TGM5: variants seen among roughly 807,000 people sequenced by gnomAD.
The protein encoded by TGM5 is transglutaminase 5.
In TGM5, 69 loss-of-function variants were observed where a neutral mutation model predicts 77.2. The observed-to-expected ratio is 0.89, with a 90% CI of 0.74 to 1.09. The LOEUF (loss-of-function observed/expected upper bound fraction) is 1.09. Among genes scored for constraint, TGM5 ranks in the 50% least tolerant of loss-of-function variants. TGM5 has a pLI of 0.00. For missense variants in TGM5, 842 were observed against 896.5 expected (o/e 0.94, Z 0.78); for synonymous variants, 346 against 351.8 (o/e 0.98, Z 0.18).
chr15:43,235,915 C>G, intron 9 of TGM5, 78 bp from the exon 10 acceptor site: 1 of 1,587,110 alleles, frequency 6.3e-7, no homozygotes, highest in South Asian at 1.1e-5. Flanking sequence ...CATCCCCCAC[C>G]CAATATCTCC....
Position 43,252,802 on chromosome 15 carries a change from C to G in TGM5, c.819G>C (p.Val273=), listed in dbSNP as rs1352827933. ...KQWNATGCQP[V]RYGQCWVFAA... ...CAAAGACCCAGCATTGCCCGTAGCG[C>G]ACGGGCTGGCAGCCTGTGGCGTTCC... Residue 273 remains valine, a synonymous_variant, in exon 6 of 13, where the codon GTG becomes GTC. Coordinates refer to ENST00000220420, the MANE Select transcript of TGM5 (RefSeq NM_201631.4). The G allele has an allele frequency of 5.6e-5, 90 of 1,614,080 alleles. No individual in the cohort carries two copies. The highest frequency in any genetic ancestry group is 7.4e-5 in the Non-Finnish European group (87 of 1,180,028).
rs1195384803 is a variant in TGM5, at chr15:43,260,484, C to T, written c.106G>A (p.Gly36Ser). ...ITVDHLLVRR[G>S]QAFNLTLYFR... ...TACAGGGTGAGGTTGAAGGCCTGGC[C>T]CCGGCGAACAAGCAGGTGGTCCACA... is the stretch of plus-strand genomic sequence containing the variant. Residue 36 changes from glycine (G) to serine (S), a missense_variant, in exon 2 of 13, where the codon GGC becomes AGC. By Grantham distance (56) the Gly-to-Ser change is moderately conservative. Around this residue, in one of 2 missense-constraint regions of TGM5, gnomAD observed 815 missense variants for 844.6 expected, o/e 0.96. Coordinates refer to ENST00000220420, the MANE Select transcript of TGM5 (RefSeq NM_201631.4). 1.2e-6 allele frequency: 2 copies of T among 1,614,124 alleles called. No individual in the cohort carries two copies. The highest frequency in any genetic ancestry group is 2.2e-5 in the South Asian group (2 of 91,080).
At chr15:43,265,156 C>G (rs1044808563) in intron 1 of TGM5, among the ~76,000 whole-genome samples, 1 of 152,164 alleles carries the variant, frequency 6.6e-6, no homozygotes, top group Non-Finnish European at 1.5e-5. Context: ...GTCATGTCAT[C>G]CACACTTGGA....
rs3784268 is a variant in TGM5, at chr15:43,239,430, T to C, written c.1002-164A>G. The C allele has an allele frequency of 0.11, 79,565 of 716,510 alleles. 5,080 individuals are homozygous for C. Among genetic ancestry groups the C allele is most frequent in the East Asian group, 0.21 (7,803 of 37,042 alleles). 44.4% of individuals were successfully genotyped at this position (716,510 alleles called of 1,614,324 possible). The stretch of plus-strand genomic sequence containing the variant: ...GGCACGATGGCTCATGCCAGTAATC[T>C]TAGTACTTTGGGAGTCTGAGGTGAG... On this transcript the variant is annotated intron_variant, in intron 7 of 12. Transcript: ENST00000220420.
chr15:43,239,571 T>C (rs2042618998), intron 7 of TGM5: 2 of 414,982 alleles, frequency 4.8e-6, no homozygotes, highest in East Asian at 5.3e-5. Context: ...TCCCACCTAC[T>C]TGGGAGGCTG....
At position 43,233,685 on chromosome 15, in the gene TGM5, A is replaced by G; in HGVS notation, c.1878T>C (p.Val626=). Reference sequence around the variant, plus strand: ...GCTGGTTCACAACGGCTGCTCCTAGAACCTAAACAGACCAGGAGGGGAAGG... The same window carrying G: ...GCTGGTTCACAACGGCTGCTCCTAGGACCTAAACAGACCAGGAGGGGAAGG... ...TLSYPSITIN[V]LGAAVVNQPL... is the part of the protein sequence containing the mutation. Residue 626 remains valine (V), a splice_region_variant and synonymous_variant, in exon 12 of 13, where the codon GTT becomes GTC. Transcript: ENST00000220420. 1 of 1,614,128 alleles carries G rather than the reference A, an allele frequency of 6.2e-7. No homozygotes were observed. Among genetic ancestry groups the G allele is most frequent in the Non-Finnish European group, 8.5e-7 (1 of 1,180,010 alleles).
Position 43,260,184 on chromosome 15 carries a change from C to T in TGM5, c.304G>A (p.Val102Met). ...GCCGTGGGAGGAGCGCACAAGCTCA[C>T]CTCTGTGGAGGTGGCCCCATTGGTC... is the stretch of plus-strand genomic sequence containing the variant. ...LETNGATSTEVSLCAPPTAAV... is the reference protein window; with the variant it reads ...LETNGATSTEMSLCAPPTAAV... The change falls in exon 3 of 13, where the codon GTG becomes ATG. Residue 102 changes from valine (V) to methionine (M), a missense_variant. Transcript: ENST00000220420. 1 of 1,614,100 alleles carries T rather than the reference C, an allele frequency of 6.2e-7. No homozygotes were observed. The highest frequency in any genetic ancestry group is 8.5e-7 in the Non-Finnish European group (1 of 1,180,034).
In TGM5 at chr15:43,233,235, C is replaced by A. The variant is rs1404459108; in HGVS notation, c.2119G>T (p.Asp707Tyr). ...TAAACATTCCTGTAACCCTTAATGT[C>A]CTTAAACTTGTTGCTTCTCATATTA... The part of the protein sequence containing the change: ...QANMRSNKFK[D>Y]IKGYRNVYVD... The change falls in exon 13 of 13, where the codon GAC becomes TAC. Residue 707 changes from aspartate (D) to tyrosine (Y), a missense_variant. Transcript: ENST00000220420. 1 of 1,614,156 alleles carries A rather than the reference C, an allele frequency of 6.2e-7. No individual in the cohort carries two copies. Among genetic ancestry groups the A allele is most frequent in the Admixed American group, 1.7e-5 (1 of 60,018 alleles).
rs2042554051 is a variant in TGM5 at position 43,232,655 on chromosome 15, A to C, written c.*536T>G. On this transcript the variant is annotated 3_prime_UTR_variant, in exon 13 of 13. Transcript: ENST00000220420. ...TTAGCTTTCGCAACAACAAAACAAC[A>C]GTGAGCTGTTCAGCCTGTCTTTTTC... The C allele has an allele frequency of 1.8e-5, 3 of 162,432 alleles. No homozygotes were observed. Among genetic ancestry groups the C allele is most frequent in the Admixed American group, 1.7e-4 (3 of 17,590 alleles). 10.1% of individuals were successfully genotyped at this position (162,432 alleles called of 1,614,324 possible). A position where few individuals can be genotyped will look rare whatever the true frequency, so the allele number is the denominator to read the frequency against.
chr15:43,233,776 G>T lies in TGM5; in HGVS notation c.1876-89C>A, dbSNP rs572719129. On this transcript the variant is annotated intron_variant, in intron 11 of 12. Coordinates refer to ENST00000220420, the MANE Select transcript of TGM5 (RefSeq NM_201631.4). ...AGGGCACCATTCTGTAAGGTGGCAG[G>T]ATATGCCACCTCCAAATATGCCACT... The T allele has an allele frequency of 1.2e-3, 1,730 of 1,468,096 alleles. 6 individuals carry two copies. Among genetic ancestry groups the T allele is most frequent in the Middle Eastern group, 2.7e-3 (13 of 4,840 alleles). The allele number at this position is 1,468,096 out of a possible 1,614,324, so 90.9% of individuals were successfully genotyped here. A position where few individuals can be genotyped will look rare whatever the true frequency, so the allele number is the denominator to read the frequency against.
intron 3 of TGM5, among the ~76,000 whole-genome samples, chr15:43,259,183 C>T (rs1163574135): frequency 6.6e-6 from 1 of 152,102 alleles, no homozygotes; most frequent in Non-Finnish European, 1.5e-5. Context: ...ACTCCTGACC[C>T]CTTCTGCCCA....
Position 43,260,482 on chromosome 15 carries a change from G to A in TGM5, c.108C>T (p.Gly36=). Residue 36 remains glycine (G), a synonymous_variant, in exon 2 of 13, where the codon GGC becomes GGT. Transcript: ENST00000220420. ...ITVDHLLVRR[G]QAFNLTLYFR... ...AGTACAGGGTGAGGTTGAAGGCCTG[G>A]CCCCGGCGAACAAGCAGGTGGTCCA... is the stretch of plus-strand genomic sequence containing the variant. The A allele has an allele frequency of 1.2e-6, 2 of 1,614,170 alleles. No individual in the cohort carries two copies. Among genetic ancestry groups the A allele is most frequent in the African/African-American group, 1.3e-5 (1 of 75,038 alleles).
intron 6 of TGM5, among the ~76,000 whole-genome samples, chr15:43,249,548 G>A (rs1177749142): frequency 6.6e-6 from 1 of 152,114 alleles, no homozygotes; most frequent in Non-Finnish European, 1.5e-5. Flanking sequence ...GCTGGCTTTT[G>A]GGGAGTTTTC....
chr15:43,235,986 T>TGAG (rs949109483), intron 9 of TGM5, 149 bp from the exon 10 acceptor site: 2 of 1,112,170 alleles, frequency 1.8e-6, no homozygotes, highest in Admixed American at 3.9e-5. Context: ...TCATGTGCTT[T>TGAG]CCCAGGCAGG....
chr15:43,265,381 AC>A (rs1407431093), intron 1 of TGM5, among the ~76,000 whole-genome samples: 1 of 152,218 alleles, frequency 6.6e-6, no homozygotes, highest in Non-Finnish European at 1.5e-5. Context: ...CCCTTTGGAG[AC>A]CAATTTATTA....
intron 6 of TGM5, 103 bp downstream of exon 6, chr15:43,252,656 C>A (rs1387224481): frequency 2.1e-6 from 3 of 1,431,046 alleles, no homozygotes; most frequent in Non-Finnish European, 9.8e-7. Flanking sequence ...TCCAAATGTC[C>A]CTTGGTGGGA....
chr15:43,238,830 G>A lies in TGM5; in HGVS notation c.1332C>T (p.Tyr444=), dbSNP rs371710751. The A allele has an allele frequency of 2.4e-5, 38 of 1,613,942 alleles. No homozygotes were observed. In the African/African-American group the frequency reaches 4.3e-4, roughly 18 times the overall value. Residue 444 remains tyrosine, a synonymous_variant, in exon 9 of 13, where the codon TAC becomes TAT. Transcript: ENST00000220420. The stretch of plus-strand genomic sequence containing the variant: ...TTGCTTACTTACCTTCTTCATACTT[G>A]TAGTTCTCTGTGATGTCATCCCGCT... ...SDERDDITEN[Y]KYEEGSLQER...
intron 6 of TGM5, among the ~76,000 whole-genome samples, chr15:43,249,829 C>G (rs934176204): frequency 6.6e-6 from 1 of 152,198 alleles, no homozygotes; most frequent in Non-Finnish European, 1.5e-5. Context: ...GCAAAGCCTC[C>G]TTTTGTGGTT....
intron 3 of TGM5, among the ~76,000 whole-genome samples, chr15:43,258,842 C>T (rs1056633181): frequency 6.6e-6 from 1 of 152,130 alleles, no homozygotes; most frequent in Non-Finnish European, 1.5e-5. Context: ...CTCCCCACTG[C>T]TCAGAAGGCC....
Sources: gnomAD v4.1 joint callset for allele counts (sites outside exome capture counted in the v4.1 genomes callset) on GRCh38, gnomAD v4.1.1 for gene constraint, gnomAD v4.1.1 regional missense constraint, MANE v1.5 for transcripts, NCBI Gene and HGNC (gene_info 2026-07-23, HGNC 2026-07-21) for gene names.